Variants in PVT1 observed in about 807,000 individuals in gnomAD.
The protein encoded by PVT1 is Pvt1 oncogene.
rs1386425504 is a variant in PVT1, at chr8:128,049,096, C to T, written n.913-21064C>T. The T allele has an allele frequency of 9.8e-6, 5 of 508,726 alleles. No homozygotes were observed. In the Admixed American group the frequency reaches 1.1e-4, roughly 11 times the overall value. 31.5% of individuals were successfully genotyped at this position (508,726 alleles called of 1,614,324 possible). ...AGGGATGACATTTCTTATCAGAGGC[C>T]CTGAGGAATCAGAGATAGGAGCCCT... On this transcript the variant is annotated intron_variant and non_coding_transcript_variant, in intron 4 of 10. Coordinates refer to ENST00000651587, the Ensembl canonical transcript of PVT1.
intron 4 of PVT1, among the ~76,000 whole-genome samples, chr8:128,056,154 C>T (rs1813759830): frequency 6.6e-6 from 1 of 152,244 alleles, no homozygotes; most frequent in East Asian, 1.9e-4. Flanking sequence ...GCCTCTGCCA[C>T]TGACTAGCTA....
intron 3 of PVT1, among the ~76,000 whole-genome samples, chr8:127,931,664 G>T (rs1194211648): frequency 3.3e-5 from 5 of 152,220 alleles, no homozygotes; most frequent in Admixed American, 2.6e-4. Flanking sequence ...CCTCAGAGTC[G>T]GTGCTAACCA....
At chr8:128,007,469 A>G (rs756473604) in intron 4 of PVT1, among the ~76,000 whole-genome samples, 67 of 152,266 alleles carry the variant, frequency 4.4e-4, no homozygotes, top group Middle Eastern at 3.4e-3. Context: ...ATAGATTTAT[A>G]TGTACTAATA....
At chr8:128,038,835 C>T (rs1423551328) in intron 4 of PVT1, among the ~76,000 whole-genome samples, 1 of 152,136 alleles carries the variant, frequency 6.6e-6, no homozygotes, top group Non-Finnish European at 1.5e-5. Context: ...ACAAAGCACC[C>T]TGCTGAGAGC....
chr8:127,892,060 G>A (rs1815608518), intron 3 of PVT1, among the ~76,000 whole-genome samples: 1 of 152,222 alleles, frequency 6.6e-6, no homozygotes, highest in African/African-American at 2.4e-5. Flanking sequence ...CAGACCACTT[G>A]AGGCCACCTG....
chr8:128,079,950 T>C (rs1814154099), intron 5 of PVT1, among the ~76,000 whole-genome samples: 1 of 152,194 alleles, frequency 6.6e-6, no homozygotes, highest in South Asian at 2.1e-4. Context: ...GGTTTCAATC[T>C]CGTGACCTCG....
At chr8:127,839,608 T>C (rs1260921453) in intron 2 of PVT1, among the ~76,000 whole-genome samples, 1 of 144,882 alleles carries the variant, frequency 6.9e-6, no homozygotes, top group East Asian at 2.0e-4. Context: ...ATAAAATAAT[T>C]AAAAAAAGAG....
chr8:127,937,580 C>CACACAGAGAGAGAG (rs59006608), intron 3 of PVT1, among the ~76,000 whole-genome samples: 3 of 107,794 alleles, frequency 2.8e-5, no homozygotes, highest in African/African-American at 1.1e-4. Flanking sequence ...CACACACACA[C>CACACAGAGAGAGAG]AGAGAGAGAG....
chr8:127,900,249 G>A (rs1815741674), intron 3 of PVT1, among the ~76,000 whole-genome samples: 1 of 151,948 alleles, frequency 6.6e-6, no homozygotes, highest in Non-Finnish European at 1.5e-5. Context: ...CACTGTGTTA[G>A]CCAGGATGGT....
intron 4 of PVT1, among the ~76,000 whole-genome samples, chr8:128,018,440 C>T (rs1817398150): frequency 6.6e-6 from 1 of 152,224 alleles, no homozygotes; most frequent in African/African-American, 2.4e-5. Context: ...ATGACATCTT[C>T]GTCACCACAT....
At chr8:127,833,074 A>G (rs1814870984) in intron 2 of PVT1, among the ~76,000 whole-genome samples, 2 of 152,198 alleles carry the variant, frequency 1.3e-5, no homozygotes, top group South Asian at 4.2e-4. Context: ...CAACACTATT[A>G]TGGCTCCTTT....
At position 127,825,802 on chromosome 8, in the gene PVT1, G is replaced by A. The variant is rs889792762; in HGVS notation, n.372+29731G>A. On this transcript the variant is annotated intron_variant and non_coding_transcript_variant, in intron 2 of 10. Transcript: ENST00000651587. The stretch of plus-strand genomic sequence containing the variant: ...CTTCCTCAGCTATATGGGTGTCCTC[G>A]AAAATGCTGAGCATAAGAAAAGTGC... Among the ~76,000 whole-genome samples, 5 of 152,046 alleles carry A rather than the reference G, an allele frequency of 3.3e-5. 1 individual carries two copies. Among genetic ancestry groups the A allele is most frequent in the South Asian group, 4.2e-4 (2 of 4,818 alleles).
chr8:128,024,827 G>A (rs1817475118), intron 4 of PVT1, among the ~76,000 whole-genome samples: 1 of 151,940 alleles, frequency 6.6e-6, no homozygotes, highest in Non-Finnish European at 1.5e-5. Flanking sequence ...CCTGAGGGCT[G>A]GCTAGCTGCA....
intron 5 of PVT1, among the ~76,000 whole-genome samples, chr8:128,092,677 G>A (rs1416646345): frequency 6.6e-6 from 1 of 152,182 alleles, no homozygotes; most frequent in East Asian, 1.9e-4. Flanking sequence ...GATGAGGGCT[G>A]GGTCTACAGC....
intron 5 of PVT1, among the ~76,000 whole-genome samples, chr8:128,080,058 C>G (rs1427839404): frequency 6.6e-6 from 1 of 152,182 alleles, no homozygotes; most frequent in Non-Finnish European, 1.5e-5. Flanking sequence ...CTTTTCATAG[C>G]TTAACACCTC....
chr8:127,935,040 C>T (rs552717560), intron 3 of PVT1, among the ~76,000 whole-genome samples: 1 of 152,184 alleles, frequency 6.6e-6, no homozygotes, highest in African/African-American at 2.4e-5. Context: ...GGCGCTATCT[C>T]ACAGCAACCT....
chr8:127,816,431 A>T (rs1185581204), intron 2 of PVT1, among the ~76,000 whole-genome samples: 1 of 150,220 alleles, frequency 6.7e-6, no homozygotes, highest in African/African-American at 2.5e-5. Flanking sequence ...TACAGGCGTG[A>T]GCCGCTATGC....
At chr8:127,879,519 ACT>A (rs2129783477) in intron 2 of PVT1, among the ~76,000 whole-genome samples, 1 of 152,172 alleles carries the variant, frequency 6.6e-6, no homozygotes, top group South Asian at 2.1e-4. Context: ...ACAGAGCAAG[ACT>A]CTATCTCAAT....
chr8:127,797,693 T>A (rs1814413216), intron 2 of PVT1, among the ~76,000 whole-genome samples: 1 of 152,214 alleles, frequency 6.6e-6, no homozygotes, highest in Non-Finnish European at 1.5e-5. Context: ...ACATTGTTTA[T>A]CACGCAAAGC....
Sources: allele counts gnomAD v4.1 joint callset (sites outside exome capture counted in the v4.1 genomes callset), GRCh38; gene constraint gnomAD v4.1.1; transcripts MANE v1.5; gene names NCBI Gene and HGNC (gene_info 2026-07-23, HGNC 2026-07-21).